The following CERS1 variants were observed in gnomAD, a reference collection of about 807,000 sequenced individuals.
CERS1 encodes ceramide synthase 1.
Under a neutral mutation model 35.7 loss-of-function variants are expected in CERS1, and 16 were observed. The observed-to-expected ratio is 0.45, with a 90% CI of 0.30 to 0.68. The LOEUF (loss-of-function observed/expected upper bound fraction) is 0.68. Among genes scored for constraint, CERS1 ranks in the 30% least tolerant of loss-of-function variants. The pLI is 0.08. For missense variants in CERS1, 454 were observed against 453.9 expected (o/e 1.00, Z 0.00); for synonymous variants, 243 against 201.6 (o/e 1.21, Z -1.74).
rs1268262408 is a variant in CERS1, at chr19:18,895,197, G to A, written c.249+627C>T. Reference sequence around the variant, plus strand: ...TTGCCATCCCTGGTCGGAGGGTGGCGCTGACCCCAGATAGGCACAAGGCAG... The same window carrying A: ...TTGCCATCCCTGGTCGGAGGGTGGCACTGACCCCAGATAGGCACAAGGCAG... On this transcript the variant is annotated intron_variant, in intron 1 of 7. Coordinates refer to ENST00000623882, the MANE Select transcript of CERS1 (RefSeq NM_021267.5). This position sits in a 1 kb window ranked among gnomAD's most constrained non-coding sequence, Gnocchi z 6.4. 6.6e-6 allele frequency among the ~76,000 whole-genome samples: 1 copy of A among 152,224 alleles called. No homozygotes were observed. Among genetic ancestry groups the A allele is most frequent in the Non-Finnish European group, 1.5e-5 (1 of 68,038 alleles).
At chr19:18,869,576 C>T (rs1253115655) in intron 7 of CERS1, among the ~76,000 whole-genome samples, 186 bp from the exon 8 acceptor site, 1 of 10,026 alleles carries the variant, frequency 1.0e-4, no homozygotes, top group Non-Finnish European at 2.0e-4. Flanking sequence ...AGGCGCCCTG[C>T]GGGGTGCGGC....
Position 18,870,243 on chromosome 19 carries a change from G to A in CERS1, c.*334C>T. On this transcript the variant is annotated 3_prime_UTR_variant, in exon 7 of 8. Coordinates refer to ENST00000623882, the MANE Select transcript of CERS1 (RefSeq NM_021267.5). This position sits in a 1 kb window ranked among gnomAD's most constrained non-coding sequence, Gnocchi z 5.1. The stretch of plus-strand genomic sequence containing the variant: ...GGGGGCGCGGGTCAGGGGCAGCGAG[G>A]GCAGCAGCAGGGCCAGGAGGAGGAG... The A allele has an allele frequency of 6.4e-7, 1 of 1,552,918 alleles. No homozygotes were observed. The highest frequency in any genetic ancestry group is 8.7e-7 in the Non-Finnish European group (1 of 1,151,892).
At chr19:18,891,305 C>T (rs1339339489) in intron 2 of CERS1, among the ~76,000 whole-genome samples, 2 of 152,136 alleles carry the variant, frequency 1.3e-5, no homozygotes, top group Non-Finnish European at 2.9e-5. Context: ...CTAGGCTGTT[C>T]CCATCACATG....
rs919746080 is a variant in CERS1, at chr19:18,870,447, G to A, written c.*130C>T. The A allele has an allele frequency of 2.3e-6, 2 of 853,912 alleles. No homozygotes were observed. The highest frequency in any genetic ancestry group is 1.7e-5 in the African/African-American group (1 of 57,152). 52.9% of individuals were successfully genotyped at this position (853,912 alleles called of 1,614,324 possible). A position where few individuals can be genotyped will look rare whatever the true frequency, so the allele number is the denominator to read the frequency against. On this transcript the variant is annotated 3_prime_UTR_variant, in exon 7 of 8. Coordinates refer to ENST00000623882, the MANE Select transcript of CERS1 (RefSeq NM_021267.5). This position sits in a 1 kb window ranked among gnomAD's most constrained non-coding sequence, Gnocchi z 5.1. ...GGAACTGGAGGCAGGATGAGGGGGC[G>A]GGGTCCCAGGGGAGGTGGCGGCGGC...
At position 18,884,000 on chromosome 19, in the gene CERS1, G is replaced by A. The variant is rs1314059994; in HGVS notation, c.590+87C>T. On this transcript the variant is annotated intron_variant, in intron 3 of 7. Transcript: ENST00000623882. Reference sequence around the variant, plus strand: ...TCCGACCTGATGTGATCCCCTCCACGGCCTCCTCTGTGCCCCGCCGCAACA... The same window carrying A: ...TCCGACCTGATGTGATCCCCTCCACAGCCTCCTCTGTGCCCCGCCGCAACA... 2.8e-5 allele frequency: 39 copies of A among 1,400,276 alleles called. No individual in the cohort carries two copies. The East Asian group carries it at 7.2e-4, about 26-fold the overall frequency. 86.7% of individuals were successfully genotyped at this position (1,400,276 alleles called of 1,614,324 possible).
At chr19:18,879,480 C>T (rs959589576) in intron 4 of CERS1, 92 bp from the exon 5 acceptor site, 16 of 1,441,932 alleles carry the variant, frequency 1.1e-5, no homozygotes, top group Admixed American at 6.6e-5. Flanking sequence ...ACCCTTGCCC[C>T]CTTATCCCAT....
At chr19:18,881,629 GTC>G (rs1216984455) in intron 3 of CERS1, 2 of 152,230 alleles carry the variant, frequency 1.3e-5, no homozygotes, top group African/African-American at 4.8e-5. Flanking sequence ...GTGGGGAAGT[GTC>G]TCTCACCAAG....
chr19:18,889,287 C>T (rs199865893), intron 2 of CERS1, among the ~76,000 whole-genome samples: 7 of 152,256 alleles, frequency 4.6e-5, no homozygotes, highest in South Asian at 4.1e-4. Context: ...CATGTGAGCC[C>T]GAGCTTTTGC....
In CERS1 at chr19:18,896,126, G is replaced by C. The variant is rs1228852904; in HGVS notation, c.-54C>G. Reference sequence around the variant, plus strand: ...CCTGCGCCCGCCCGCGGTAGCCGACGGAGCCGCGCGCCCCGCGTCACGCGC... The same window carrying C: ...CCTGCGCCCGCCCGCGGTAGCCGACCGAGCCGCGCGCCCCGCGTCACGCGC... On this transcript the variant is annotated 5_prime_UTR_variant, in exon 1 of 8. Coordinates refer to ENST00000623882, the MANE Select transcript of CERS1 (RefSeq NM_021267.5). The surrounding 1 kb of genome is among the most constrained non-coding windows in gnomAD (Gnocchi z 5.9). 2.8e-6 allele frequency: 2 copies of C among 704,154 alleles called. No homozygotes were observed. Among genetic ancestry groups the C allele is most frequent in the Admixed American group, 6.5e-5 (1 of 15,396 alleles). The allele number at this position is 704,154 out of a possible 1,614,324, so 43.6% of individuals were successfully genotyped here.
chr19:18,884,028 A>C (rs1471563706), intron 3 of CERS1, 59 bp downstream of exon 3: 2 of 1,542,362 alleles, frequency 1.3e-6, no homozygotes. Context: ...CCGCAACATC[A>C]GCCTCCGCAC....
intron 3 of CERS1, 146 bp from the exon 4 acceptor site, chr19:18,880,581 G>T: frequency 1.4e-6 from 1 of 730,506 alleles, no homozygotes; most frequent in Non-Finnish European, 2.1e-6. Context: ...CGCCTGCCCT[G>T]CCCATCTCCA....
intron 6 of CERS1, among the ~76,000 whole-genome samples, chr19:18,871,210 AC>A (rs1469343575): frequency 7.0e-6 from 1 of 142,296 alleles, no homozygotes; most frequent in Non-Finnish European, 1.5e-5. Context: ...GGGGCACGCC[AC>A]CACTCCCAGC....
In CERS1 at chr19:18,878,059, C is replaced by T. The variant is rs1029677818; in HGVS notation, c.1010+871G>A. ...TTAAATGTCTGCATCTCGCACCTCCCGTTCCAAAAAACGTCACGGAGCTCT... is the reference window on the plus strand; with the variant it reads ...TTAAATGTCTGCATCTCGCACCTCCTGTTCCAAAAAACGTCACGGAGCTCT... On this transcript the variant is annotated intron_variant, in intron 6 of 7. Transcript: ENST00000623882. This position sits in a 1 kb window ranked among gnomAD's most constrained non-coding sequence, Gnocchi z 4.6. The T allele has an allele frequency of 1.0e-5, 10 of 985,412 alleles. No individual in the cohort carries two copies. Among genetic ancestry groups the T allele is most frequent in the East Asian group, 2.3e-4 (2 of 8,818 alleles). 61.0% of individuals were successfully genotyped at this position (985,412 alleles called of 1,614,324 possible).
chr19:18,889,916 C>T (rs1215156538), intron 2 of CERS1, among the ~76,000 whole-genome samples: 5 of 152,196 alleles, frequency 3.3e-5, no homozygotes, highest in Non-Finnish European at 7.3e-5. Context: ...ACTATCAGCT[C>T]TGCCTTCTAA....
intron 6 of CERS1, among the ~76,000 whole-genome samples, chr19:18,874,700 A>T (rs1235418169): frequency 6.6e-6 from 1 of 152,164 alleles, no homozygotes; most frequent in African/African-American, 2.4e-5. Context: ...TGTAGGAGAG[A>T]AGGGTACTGG....
chr19:18,887,265 A>T (rs2056384542), intron 2 of CERS1, among the ~76,000 whole-genome samples: 1 of 152,224 alleles, frequency 6.6e-6, no homozygotes. Flanking sequence ...AAGGTCACAC[A>T]GTGTGAGACT....
intron 2 of CERS1, among the ~76,000 whole-genome samples, chr19:18,892,658 G>A (rs903505040): frequency 2.0e-5 from 3 of 152,060 alleles, no homozygotes; most frequent in African/African-American, 7.2e-5. Flanking sequence ...TCAAGCTGCT[G>A]CCTCAGCTCT....
At chr19:18,880,187 T>C in intron 4 of CERS1, 87 bp downstream of exon 4, 1 of 1,274,936 alleles carries the variant, frequency 7.8e-7, no homozygotes, top group Non-Finnish European at 1.0e-6. Context: ...CCCCGCCTCC[T>C]TCCCTGCCTG....
chr19:18,886,560 A>AAAAC (rs930862677), intron 2 of CERS1, among the ~76,000 whole-genome samples: 30 of 152,152 alleles, frequency 2.0e-4, no homozygotes, highest in South Asian at 6.2e-4. Flanking sequence ...GTCTCAAAAC[A>AAAAC]AAACAAACAA....
Sources: gnomAD v4.1 joint callset for allele counts (sites outside exome capture counted in the v4.1 genomes callset) on GRCh38, gnomAD v4.1.1 for gene constraint, Gnocchi (gnomAD v3.1) non-coding constraint, MANE v1.5 for transcripts, NCBI Gene and HGNC (gene_info 2026-07-23, HGNC 2026-07-21) for gene names.